The following PRKAR2B variants were observed in gnomAD, a reference collection of about 807,000 sequenced individuals.
PRKAR2B encodes the protein cAMP-dependent protein kinase type II-beta regulatory subunit.
PRKAR2B carries 14 observed loss-of-function variants against 49.9 expected under a neutral mutation model. The observed-to-expected ratio is 0.28, with a 90% confidence interval of 0.19 to 0.44. PRKAR2B has a LOEUF of 0.44. PRKAR2B is among the 20% of genes least tolerant of loss of function. PRKAR2B has a pLI of 1.00. For missense variants in PRKAR2B, 393 were observed against 537.9 expected (o/e 0.73, Z 2.67); for synonymous variants, 196 against 197.7 (o/e 0.99, Z 0.07).
intron 1 of PRKAR2B, among the ~76,000 whole-genome samples, chr7:107,059,182 G>T (rs747792039): frequency 1.9e-4 from 29 of 152,244 alleles, no homozygotes; most frequent in Admixed American, 4.6e-4. Context: ...CAGCTTCTTG[G>T]GAGGCTGAGG....
chr7:107,101,875 C>CTTTTTTTTTTTTTTTTTTTTTTCT (rs1794972391), intron 2 of PRKAR2B, among the ~76,000 whole-genome samples: 1 of 94,256 alleles, frequency 1.1e-5, no homozygotes, highest in Non-Finnish European at 2.0e-5. Context: ...AGCCCTGATC[C>CTTTTTTTTTTTTTTTTTTTTTTCT]TTTTTTTTTT....
intron 1 of PRKAR2B, among the ~76,000 whole-genome samples, chr7:107,047,383 C>A (rs149723540): frequency 1.3e-5 from 2 of 151,668 alleles, no homozygotes; most frequent in Admixed American, 1.3e-4. Flanking sequence ...TGTAAAGGGC[C>A]GGTTAGTAAG....
intron 2 of PRKAR2B, among the ~76,000 whole-genome samples, chr7:107,077,575 C>T (rs932598248): frequency 1.8e-4 from 27 of 152,276 alleles, no homozygotes; most frequent in African/African-American, 6.3e-4. Flanking sequence ...ATGCAGTTTG[C>T]CTCTGCCATC....
At chr7:107,088,556 A>T (rs1364301674) in intron 2 of PRKAR2B, among the ~76,000 whole-genome samples, 1 of 152,034 alleles carries the variant, frequency 6.6e-6, no homozygotes, top group Non-Finnish European at 1.5e-5. Context: ...ATTTTTTGAG[A>T]TTTACTCCTC....
chr7:107,146,524 C>A, intron 6 of PRKAR2B, 63 bp downstream of exon 6: 2 of 1,506,170 alleles, frequency 1.3e-6, no homozygotes, highest in Non-Finnish European at 9.1e-7. Flanking sequence ...GACGGTGTTA[C>A]AAATTGCCGC....
chr7:107,074,876 C>T (rs548756261), intron 2 of PRKAR2B, among the ~76,000 whole-genome samples: 7 of 151,978 alleles, frequency 4.6e-5, no homozygotes, highest in African/African-American at 7.2e-5. Context: ...AAGAGTAAAG[C>T]TTTAATCAAG....
intron 2 of PRKAR2B, among the ~76,000 whole-genome samples, chr7:107,082,892 G>A (rs1198172949): frequency 5.3e-5 from 8 of 152,128 alleles, no homozygotes; most frequent in African/African-American, 1.7e-4. Flanking sequence ...GAGCCACCGT[G>A]CCTGGCATAA....
intron 1 of PRKAR2B, among the ~76,000 whole-genome samples, chr7:107,055,887 G>A (rs1285024312): frequency 1.3e-5 from 2 of 152,096 alleles, no homozygotes; most frequent in Non-Finnish European, 1.5e-5. Context: ...TGAAGTCCTT[G>A]CCCATGCCTA....
At chr7:107,155,650 G>C (rs1374296227) in intron 8 of PRKAR2B, among the ~76,000 whole-genome samples, 2 of 149,824 alleles carry the variant, frequency 1.3e-5, no homozygotes, top group Non-Finnish European at 3.0e-5. Flanking sequence ...TTTTTTTTTG[G>C]CTGCATAAAT....
In PRKAR2B at chr7:107,128,205, C is replaced by T; in HGVS notation, c.397-7C>T. 6.3e-7 allele frequency: 1 copy of T among 1,589,734 alleles called. No individual in the cohort carries two copies. Among genetic ancestry groups the T allele is most frequent in the Non-Finnish European group, 8.6e-7 (1 of 1,158,834 alleles). ...GTCTTTGTTTTTTAAATCTGATGTC[C>T]TTTTAGATTATACATCCAAAAACTG... is the stretch of plus-strand genomic sequence containing the variant. On this transcript the variant is annotated splice_polypyrimidine_tract_variant and splice_region_variant and intron_variant, in intron 3 of 10. Coordinates refer to ENST00000265717, the MANE Select transcript of PRKAR2B (RefSeq NM_002736.3).
chr7:107,151,093 C>G (rs1795977723), intron 7 of PRKAR2B, 70 bp downstream of exon 7: 1 of 886,142 alleles, frequency 1.1e-6, no homozygotes, highest in Admixed American at 3.7e-5. Context: ...ATATTTAGTT[C>G]TATAGAAAAA....
At chr7:107,050,296 AC>A (rs1793775959) in intron 1 of PRKAR2B, among the ~76,000 whole-genome samples, 1 of 144,600 alleles carries the variant, frequency 6.9e-6, no homozygotes, top group Non-Finnish European at 1.5e-5. Context: ...CAAAAACCAA[AC>A]CATTTAGCTA....
intron 1 of PRKAR2B, among the ~76,000 whole-genome samples, chr7:107,058,959 A>G (rs1584403952): frequency 1.3e-5 from 2 of 152,296 alleles, no homozygotes. Context: ...GCTCTGACAG[A>G]TTTTAACATT....
rs969518460 is a variant in PRKAR2B, at chr7:107,160,256, A to C, written c.*674A>C. On this transcript the variant is annotated 3_prime_UTR_variant, in exon 11 of 11. Coordinates refer to ENST00000265717, the MANE Select transcript of PRKAR2B (RefSeq NM_002736.3). ...TAGTCATTATGATAATAAGGAAAAC[A>C]GTGTTTTAGATGAGAGATCATTAAT... 2 of 152,642 alleles carry C rather than the reference A, an allele frequency of 1.3e-5. No individual in the cohort carries two copies. The highest frequency in any genetic ancestry group is 4.8e-5 in the African/African-American group (2 of 41,458). 9.5% of individuals were successfully genotyped at this position (152,642 alleles called of 1,614,324 possible). A position where few individuals can be genotyped will look rare whatever the true frequency, so the allele number is the denominator to read the frequency against.
intron 3 of PRKAR2B, among the ~76,000 whole-genome samples, chr7:107,123,494 C>T (rs1476804401): frequency 6.6e-6 from 1 of 152,180 alleles, no homozygotes; most frequent in Non-Finnish European, 1.5e-5. Flanking sequence ...CGTTCAAAGG[C>T]CAAGCTGTAG....
At chr7:107,092,055 C>G (rs1016785820) in intron 2 of PRKAR2B, among the ~76,000 whole-genome samples, 2 of 152,018 alleles carry the variant, frequency 1.3e-5, no homozygotes, top group Admixed American at 1.3e-4. Flanking sequence ...ATTCAGCAAA[C>G]CATGTAAGTT....
intron 2 of PRKAR2B, among the ~76,000 whole-genome samples, chr7:107,080,036 A>G (rs1794486645): frequency 6.6e-6 from 1 of 152,220 alleles, no homozygotes; most frequent in Non-Finnish European, 1.5e-5. Flanking sequence ...AAATAAGTTG[A>G]GGATGGGCTC....
intron 1 of PRKAR2B, among the ~76,000 whole-genome samples, chr7:107,065,463 G>A (rs1794120894): frequency 2.0e-5 from 3 of 151,958 alleles, no homozygotes. Flanking sequence ...TGCAAACTGT[G>A]TGTACTGCTA....
At chr7:107,139,542 A>G (rs1303854304) in intron 4 of PRKAR2B, among the ~76,000 whole-genome samples, 1 of 152,186 alleles carries the variant, frequency 6.6e-6, no homozygotes, top group Non-Finnish European at 1.5e-5. Flanking sequence ...TCTCAGTCCC[A>G]TGCTGGCAGA....
Sources: gnomAD v4.1 joint callset for allele counts (sites outside exome capture counted in the v4.1 genomes callset) on GRCh38, gnomAD v4.1.1 for gene constraint, MANE v1.5 for transcripts, NCBI Gene and HGNC (gene_info 2026-07-23, HGNC 2026-07-21) for gene names.